Variants in GALNT15 observed in about 807,000 individuals in gnomAD.
The protein encoded by GALNT15 is UDP-GalNAc transferase T15.
Under a neutral mutation model 66.8 loss-of-function variants are expected in GALNT15, and 67 were observed. That is an observed-to-expected ratio of 1.00 (90% CI 0.82 to 1.23). The LOEUF (loss-of-function observed/expected upper bound fraction) is 1.23. GALNT15 is among the 50% of genes most tolerant of loss of function. The pLI is 0.00. For synonymous variants in GALNT15, 313 were observed against 311.5 expected, an observed-to-expected ratio of 1.00 and a Z score of -0.05; for missense variants, 827 against 804.3, an observed-to-expected ratio of 1.03 and a Z score of -0.34.
At chr3:16,212,390 C>T (rs2063825895) in intron 5 of GALNT15, among the ~76,000 whole-genome samples, 179 bp from the exon 6 acceptor site, 1 of 152,146 alleles carries the variant, frequency 6.6e-6, no homozygotes, top group African/African-American at 2.4e-5. Context: ...CTGTCACTCC[C>T]CTGCCCAGAA....
Position 16,229,385 on chromosome 3 carries a change from T to C in GALNT15, c.*1885T>C, listed in dbSNP as rs1370066663. ...ATTGGGCTGGCCACATTTCAAATGC[T>C]CACTACCCACCTGTGGCTAGGGTCT... On this transcript the variant is annotated 3_prime_UTR_variant, in exon 10 of 10. Coordinates refer to ENST00000339732, the MANE Select transcript of GALNT15 (RefSeq NM_054110.5). 1.2e-6 allele frequency: 1 copy of C among 825,920 alleles called. No individual in the cohort carries two copies. Among genetic ancestry groups the C allele is most frequent in the Non-Finnish European group, 1.5e-6 (1 of 684,840 alleles). The allele number at this position is 825,920 out of a possible 1,614,324, so 51.2% of individuals were successfully genotyped here. A position where few individuals can be genotyped will look rare whatever the true frequency, so the allele number is the denominator to read the frequency against.
chr3:16,214,168 G>T (rs1474031749), intron 6 of GALNT15, among the ~76,000 whole-genome samples: 2 of 152,160 alleles, frequency 1.3e-5, no homozygotes, highest in Admixed American at 1.3e-4. Flanking sequence ...GAAGGCATTG[G>T]GATTGAAAGG....
rs1225143906 is a variant in GALNT15, at chr3:16,181,326, A to G, written c.539+5636A>G. On this transcript the variant is annotated intron_variant, in intron 1 of 9. Transcript: ENST00000339732. This position sits in a 1 kb window ranked among gnomAD's most constrained non-coding sequence, Gnocchi z 5.9. ...GGGCACCAAGAGCTTAAAACTCCCC[A>G]GGTGGTTCTATCGTGAAGCCAGGCT... Among the ~76,000 whole-genome samples the G allele has an allele frequency of 6.6e-6, 1 of 152,064 alleles. No homozygotes were observed. The highest frequency in any genetic ancestry group is 1.5e-5 in the Non-Finnish European group (1 of 68,014).
Position 16,227,537 on chromosome 3 carries a change from C to G in GALNT15, c.*37C>G, listed in dbSNP as rs761153612. ...AGAAGGAAAAGAGAATTTTGGCCAT[C>G]AAAATCCAGCTCCAAGTGAACTTAA... On this transcript the variant is annotated 3_prime_UTR_variant, in exon 10 of 10. Transcript: ENST00000339732. This position sits in a 1 kb window ranked among gnomAD's most constrained non-coding sequence, Gnocchi z 4.5. 8.1e-6 allele frequency: 13 copies of G among 1,613,848 alleles called. No individual in the cohort carries two copies. The highest frequency in any genetic ancestry group is 1.7e-5 in the Admixed American group (1 of 59,992).
At chr3:16,197,699 G>A (rs1385400005) in intron 2 of GALNT15, among the ~76,000 whole-genome samples, 1 of 152,164 alleles carries the variant, frequency 6.6e-6, no homozygotes, top group East Asian at 1.9e-4. Context: ...GGGTGGTGAT[G>A]CCCACACCAA....
intron 9 of GALNT15, among the ~76,000 whole-genome samples, chr3:16,223,609 A>G (rs557196808): frequency 1.8e-4 from 27 of 152,210 alleles, no homozygotes; most frequent in Non-Finnish European, 3.5e-4. Flanking sequence ...AGCTCACAAT[A>G]AGCACTTGAG....
intron 1 of GALNT15, among the ~76,000 whole-genome samples, chr3:16,179,670 A>G (rs1033423858): frequency 6.6e-6 from 1 of 152,250 alleles, no homozygotes; most frequent in Non-Finnish European, 1.5e-5. Context: ...AGCGGCCTAC[A>G]GCACTGTATC....
chr3:16,236,129 A>AAAAAAAAAAAAAAAAAAAAAAAC (rs2064124453), downstream of GALNT15, among the ~76,000 whole-genome samples: 2 of 147,408 alleles, frequency 1.4e-5, no homozygotes, highest in Non-Finnish European at 3.0e-5. Context: ...AAAAAAAAAA[A>AAAAAAAAAAAAAAAAAAAAAAAC]AAGGACTGGG....
In GALNT15 at chr3:16,186,677, C is replaced by T. The variant is rs138553962; in HGVS notation, c.540-9083C>T. On this transcript the variant is annotated intron_variant, in intron 1 of 9. Coordinates refer to ENST00000339732, the MANE Select transcript of GALNT15 (RefSeq NM_054110.5). This position sits in a 1 kb window ranked among gnomAD's most constrained non-coding sequence, Gnocchi z 5.1. ...AAACATTATGATAAGTGAAAGAAAT[C>T]AGTCACAAAAGGCCACGTTATGTCA... Among the ~76,000 whole-genome samples the T allele has an allele frequency of 3.5e-4, 54 of 152,238 alleles. No homozygotes were observed. The highest frequency in any genetic ancestry group is 1.1e-3 in the African/African-American group (47 of 41,542).
Position 16,228,798 on chromosome 3 carries a change from T to C in GALNT15, c.*1298T>C. 1 of 985,402 alleles carries C rather than the reference T, an allele frequency of 1.0e-6. No individual in the cohort carries two copies. Among genetic ancestry groups the C allele is most frequent in the Non-Finnish European group, 1.2e-6 (1 of 829,936 alleles). 61.0% of individuals were successfully genotyped at this position (985,402 alleles called of 1,614,324 possible). A position where few individuals can be genotyped will look rare whatever the true frequency, so the allele number is the denominator to read the frequency against. ...ATTCTTATGACAGGTAACATTTGGG[T>C]GTTAATGTCCATGAGAGCTGACAGG... On this transcript the variant is annotated 3_prime_UTR_variant, in exon 10 of 10. Coordinates refer to ENST00000339732, the MANE Select transcript of GALNT15 (RefSeq NM_054110.5).
Position 16,181,591 on chromosome 3 carries a change from C to A in GALNT15, c.539+5901C>A, listed in dbSNP as rs1403435613. On this transcript the variant is annotated intron_variant, in intron 1 of 9. Transcript: ENST00000339732. This position sits in a 1 kb window ranked among gnomAD's most constrained non-coding sequence, Gnocchi z 5.9. ...GACTCTGTCCTGCCAGGCCGTGATT[C>A]ACCCCAAGATGACTCCCCACACCCC... Among the ~76,000 whole-genome samples, 1 of 152,156 alleles carries A rather than the reference C, an allele frequency of 6.6e-6. No homozygotes were observed. The highest frequency in any genetic ancestry group is 1.5e-5 in the Non-Finnish European group (1 of 68,034).
chr3:16,188,907 T>A lies in GALNT15; in HGVS notation c.540-6853T>A, dbSNP rs2063546321. Among the ~76,000 whole-genome samples the A allele has an allele frequency of 6.6e-6, 1 of 152,074 alleles. No individual in the cohort carries two copies. The highest frequency in any genetic ancestry group is 1.5e-5 in the Non-Finnish European group (1 of 68,004). On this transcript the variant is annotated intron_variant, in intron 1 of 9. Transcript: ENST00000339732. This position sits in a 1 kb window ranked among gnomAD's most constrained non-coding sequence, Gnocchi z 4.6. ...TCCTCTCTCTCCAAGGTCCTCATGA[T>A]GACATGAGGAGCCCAGGGTTCCCAA... is the stretch of plus-strand genomic sequence containing the variant.
chr3:16,207,224 G>A (rs2063766115), intron 3 of GALNT15, among the ~76,000 whole-genome samples: 2 of 152,088 alleles, frequency 1.3e-5, no homozygotes, highest in African/African-American at 4.8e-5. Flanking sequence ...GGAATTTGAT[G>A]GTAGTGTAAA....
intron 1 of GALNT15, among the ~76,000 whole-genome samples, chr3:16,194,256 T>C (rs2063609214): frequency 2.6e-5 from 4 of 152,364 alleles, no homozygotes; most frequent in Admixed American, 2.6e-4. Context: ...GCACGGTGTC[T>C]GGCATGTTGT....
At chr3:16,215,506 A>G (rs969901784) in intron 6 of GALNT15, among the ~76,000 whole-genome samples, 6 of 152,220 alleles carry the variant, frequency 3.9e-5, no homozygotes, top group African/African-American at 1.4e-4. Context: ...TCGAAACAGT[A>G]ATCCTCAAAT....
downstream of GALNT15, among the ~76,000 whole-genome samples, chr3:16,232,245 A>C (rs749832785): frequency 3.4e-4 from 51 of 151,606 alleles, no homozygotes; most frequent in Non-Finnish European, 6.5e-4. Context: ...TGAGACTAAG[A>C]AATCAGTCTC....
At chr3:16,177,403 C>T (rs554528991) in intron 1 of GALNT15, among the ~76,000 whole-genome samples, 7 of 152,200 alleles carry the variant, frequency 4.6e-5, no homozygotes, top group Admixed American at 3.9e-4. Context: ...ATTTGTGGGT[C>T]ATGGTATATG....
intron 2 of GALNT15, among the ~76,000 whole-genome samples, chr3:16,197,979 G>GTA (rs1559681591): frequency 6.9e-6 from 1 of 144,448 alleles, no homozygotes; most frequent in Non-Finnish European, 1.5e-5. Context: ...AGGGTTAGAG[G>GTA]TATAGCTGAA....
At position 16,208,674 on chromosome 3, in the gene GALNT15, A is replaced by G. The variant is rs780743995; in HGVS notation, c.1079+4A>G. On this transcript the variant is annotated splice_donor_region_variant and intron_variant, in intron 4 of 9. Coordinates refer to ENST00000339732, the MANE Select transcript of GALNT15 (RefSeq NM_054110.5). Reference sequence around the variant, plus strand: ...AGTCCCCCATAAGCCCCATCAGGTGAGTCCCCATTTCACACCTGCTTTGCC... The same window carrying G: ...AGTCCCCCATAAGCCCCATCAGGTGGGTCCCCATTTCACACCTGCTTTGCC... 5.6e-6 allele frequency: 9 copies of G among 1,612,912 alleles called. No individual in the cohort carries two copies. The East Asian group carries it at 2.0e-4, about 36-fold the overall frequency.
Sources: gnomAD v4.1 joint callset for allele counts (sites outside exome capture counted in the v4.1 genomes callset) on GRCh38, gnomAD v4.1.1 for gene constraint, Gnocchi (gnomAD v3.1) non-coding constraint, MANE v1.5 for transcripts, NCBI Gene and HGNC (gene_info 2026-07-23, HGNC 2026-07-21) for gene names.